KAZN: variants seen among roughly 807,000 people sequenced by gnomAD.
KAZN encodes kazrin.
Under a neutral mutation model 87.4 loss-of-function variants are expected in KAZN, and 40 were observed. The ratio of observed to expected loss-of-function variants is 0.46; its 90% CI spans 0.36 to 0.60. The LOEUF is 0.60. Ranked by LOEUF, KAZN falls within the 20% of genes least tolerant of loss-of-function variation. KAZN has a pLI of 0.00. For synonymous variants in KAZN, 466 were observed against 458.3 expected (o/e 1.02, Z -0.22); for missense variants, 898 against 1,073.9 (o/e 0.84, Z 2.29).
At chr1:14,746,774 G>A (rs1479560700) in intron 1 of KAZN, among the ~76,000 whole-genome samples, 1 of 152,150 alleles carries the variant, frequency 6.6e-6, no homozygotes, top group East Asian at 1.9e-4. Flanking sequence ...ACCAGAACAA[G>A]GTCAAAGTAG....
intron 1 of KAZN, among the ~76,000 whole-genome samples, chr1:14,040,813 A>AT (rs1641808765): frequency 6.6e-6 from 1 of 151,670 alleles, no homozygotes. Context: ...ATAAAATAAA[A>AT]TAAAATAGAA....
At chr1:14,779,341 C>T (rs955843957) in intron 1 of KAZN, among the ~76,000 whole-genome samples, 16 of 152,302 alleles carry the variant, frequency 1.1e-4, no homozygotes, top group African/African-American at 4.8e-5. Context: ...GTGGGCCCCC[C>T]GGCTTCCCTC....
intron 2 of KAZN, among the ~76,000 whole-genome samples, chr1:14,333,454 G>A (rs1391758651): frequency 6.6e-6 from 1 of 152,164 alleles, no homozygotes; most frequent in African/African-American, 2.4e-5. Context: ...GTCCTTCAGG[G>A]CCCTGGTGCA....
At chr1:14,808,092 G>A (rs1646280328) in intron 1 of KAZN, among the ~76,000 whole-genome samples, 1 of 152,160 alleles carries the variant, frequency 6.6e-6, no homozygotes, top group Non-Finnish European at 1.5e-5. Context: ...ATTATGGATA[G>A]AGTTGGCTCC....
rs75161925 is a variant in KAZN, at chr1:14,838,971, A to C, written c.227-121713A>C. 2.2e-3 allele frequency among the ~76,000 whole-genome samples: 339 copies of C among 152,252 alleles called. 4 individuals carry two copies. Among genetic ancestry groups the C allele is most frequent in the African/African-American group, 7.8e-3 (326 of 41,540 alleles). On this transcript the variant is annotated intron_variant, in intron 1 of 14. Coordinates refer to ENST00000376030, the MANE Select transcript of KAZN (RefSeq NM_201628.3). ...TTGCACTTTATCCACCTGGCTTTGAAGAAAAGAGAGAAGGGCAAGCAGCCC... is the reference window on the plus strand; with the variant it reads ...TTGCACTTTATCCACCTGGCTTTGACGAAAAGAGAGAAGGGCAAGCAGCCC...
intron 1 of KAZN, among the ~76,000 whole-genome samples, chr1:14,022,047 A>G (rs1352287253): frequency 7.3e-5 from 10 of 137,084 alleles, no homozygotes. Context: ...TGTCAGCCGG[A>G]TTACCCATGC....
At chr1:13,996,766 T>A (rs1036049263) in intron 1 of KAZN, among the ~76,000 whole-genome samples, 1 of 152,202 alleles carries the variant, frequency 6.6e-6, no homozygotes, top group Non-Finnish European at 1.5e-5. Context: ...GACTTAGCCT[T>A]TCCTCCTGAT....
intron 1 of KAZN, among the ~76,000 whole-genome samples, chr1:14,731,114 G>A (rs963588149): frequency 6.6e-6 from 1 of 152,170 alleles, no homozygotes; most frequent in Non-Finnish European, 1.5e-5. Flanking sequence ...GGGCTCTGGA[G>A]AACTGCATCA....
In KAZN at chr1:14,870,637, G is replaced by A. The variant is rs189951850; in HGVS notation, c.227-90047G>A. On this transcript the variant is annotated intron_variant, in intron 1 of 14. Transcript: ENST00000376030. Reference sequence around the variant, plus strand: ...ATTACAGGTGTGAGCCCCCAGGCCCGGTTTTCCTCATCTGTTAAATGGGGT... The same window carrying A: ...ATTACAGGTGTGAGCCCCCAGGCCCAGTTTTCCTCATCTGTTAAATGGGGT... 7.9e-5 allele frequency among the ~76,000 whole-genome samples: 12 copies of A among 152,212 alleles called. No homozygotes were observed. In the South Asian group the frequency reaches 1.2e-3, roughly 16 times the overall value.
chr1:14,974,153 T>G (rs1665373402), intron 2 of KAZN, among the ~76,000 whole-genome samples: 1 of 139,324 alleles, frequency 7.2e-6, no homozygotes, highest in South Asian at 2.3e-4. Context: ...TGCTAAGGGC[T>G]CCCACAGAGA....
chr1:14,112,933 G>A (rs150373293), intron 1 of KAZN, among the ~76,000 whole-genome samples: 53 of 152,326 alleles, frequency 3.5e-4, no homozygotes, highest in African/African-American at 1.1e-3. Context: ...AGTGCTGTGC[G>A]GAAGAAAGGC....
chr1:13,966,415 C>T (rs6682677), intron 1 of KAZN, among the ~76,000 whole-genome samples: 11,250 of 152,256 alleles, frequency 0.074, 779 homozygotes, highest in African/African-American at 0.18. Flanking sequence ...GCAGCAGGTC[C>T]TCACAGTGCT....
chr1:14,664,486 C>T (rs1553205860), intron 1 of KAZN, among the ~76,000 whole-genome samples: 1 of 151,986 alleles, frequency 6.6e-6, no homozygotes, highest in Non-Finnish European at 1.5e-5. Context: ...ATTGGTTTGA[C>T]CAATCTTTTG....
intron 1 of KAZN, among the ~76,000 whole-genome samples, chr1:14,693,976 T>C (rs1309679338): frequency 1.3e-5 from 2 of 152,174 alleles, no homozygotes; most frequent in African/African-American, 4.8e-5. Flanking sequence ...CTAAGCATGA[T>C]TTTAACTCGA....
At chr1:14,268,575 C>G (rs1315112585) in intron 2 of KAZN, among the ~76,000 whole-genome samples, 1 of 152,046 alleles carries the variant, frequency 6.6e-6, no homozygotes, top group Non-Finnish European at 1.5e-5. Flanking sequence ...CCATTCTGCT[C>G]TCACCTCTGT....
intron 1 of KAZN, among the ~76,000 whole-genome samples, chr1:14,801,692 G>GTTT (rs373600027): frequency 6.8e-6 from 1 of 146,768 alleles, no homozygotes; most frequent in African/African-American, 2.5e-5. Flanking sequence ...TTGTTTTTTT[G>GTTT]TTTTTTTTTT....
At chr1:14,432,692 G>C (rs888769712) in intron 2 of KAZN, among the ~76,000 whole-genome samples, 1 of 152,138 alleles carries the variant, frequency 6.6e-6, no homozygotes, top group East Asian at 1.9e-4. Flanking sequence ...GCATGCATTA[G>C]GTATTTGTCC....
At chr1:14,202,420 C>T (rs980519011) in intron 2 of KAZN, among the ~76,000 whole-genome samples, 1 of 152,202 alleles carries the variant, frequency 6.6e-6, no homozygotes, top group African/African-American at 2.4e-5. Context: ...GTGGGAATCA[C>T]AGGAAAGCAG....
At chr1:14,024,101 G>A (rs1640967090) in intron 1 of KAZN, among the ~76,000 whole-genome samples, 1 of 152,212 alleles carries the variant, frequency 6.6e-6, no homozygotes, top group Non-Finnish European at 1.5e-5. Context: ...AAAGCATGTG[G>A]TGGCTGAAGT....
Sources: allele counts gnomAD v4.1 joint callset (sites outside exome capture counted in the v4.1 genomes callset), GRCh38; gene constraint gnomAD v4.1.1; transcripts MANE v1.5; gene names NCBI Gene and HGNC (gene_info 2026-07-23, HGNC 2026-07-21).